Variants in MYOCOS observed in about 807,000 individuals in gnomAD.
MYOCOS encodes myocilin opposite strand.
chr1:171,610,850 C>T (rs181056455), intron 1 of MYOCOS, among the ~76,000 whole-genome samples: 55 of 152,348 alleles, frequency 3.6e-4, no homozygotes, highest in Middle Eastern at 3.4e-3. Flanking sequence ...GTAAAACAAA[C>T]ACTTTAAGCC....
intron 2 of MYOCOS, among the ~76,000 whole-genome samples, chr1:171,616,798 A>G (rs748361680): frequency 1.1e-4 from 16 of 152,298 alleles, no homozygotes; most frequent in Non-Finnish European, 2.2e-4. Flanking sequence ...GGTCAAGGAT[A>G]GGCTGAGGTA....
chr1:171,617,940 AC>A (rs1355808805), upstream of MYOCOS, among the ~76,000 whole-genome samples: 2 of 152,132 alleles, frequency 1.3e-5, no homozygotes, highest in African/African-American at 2.4e-5. Context: ...GTGAGAGGAG[AC>A]AGAGAACACG....
Position 171,624,459 on chromosome 1 carries a change from T to A in MYOCOS, c.95+481T>A, listed in dbSNP as rs1393734141. Among the ~76,000 whole-genome samples the A allele has an allele frequency of 6.9e-5, 10 of 144,064 alleles. No homozygotes were observed. The South Asian group carries it at 1.4e-3, about 20-fold the overall frequency. The allele number at this position is 144,064 out of a possible 152,430, so 94.5% of individuals were successfully genotyped here. A position where few individuals can be genotyped will look rare whatever the true frequency, so the allele number is the denominator to read the frequency against. On this transcript the variant is annotated intron_variant, in intron 2 of 2. Transcript: ENST00000637642. Reference sequence around the variant, plus strand: ...TAATTATTATTATTATTATTATTATTATATTGAGACGGAGTCTCTCTCTGT... The same window carrying A: ...TAATTATTATTATTATTATTATTATAATATTGAGACGGAGTCTCTCTCTGT...
At chr1:171,621,374 GTT>G (rs397974158), upstream of MYOCOS, among the ~76,000 whole-genome samples, 2 of 115,140 alleles carry the variant, frequency 1.7e-5, no homozygotes, top group Admixed American at 9.8e-5. Context: ...TCTATGGTGG[GTT>G]TTTTTTTTTT....
At chr1:171,608,984 A>T (rs947520146) in intron 1 of MYOCOS, among the ~76,000 whole-genome samples, 9 of 152,088 alleles carry the variant, frequency 5.9e-5, no homozygotes, top group African/African-American at 2.2e-4. Flanking sequence ...TCTCCTCCAG[A>T]TTAGGATTGG....
intron 1 of MYOCOS, among the ~76,000 whole-genome samples, chr1:171,613,411 A>G (rs942334433): frequency 6.6e-6 from 1 of 152,234 alleles, no homozygotes; most frequent in African/African-American, 2.4e-5. Context: ...CCATTTCTGC[A>G]GGCCTGGAGG....
At chr1:171,618,133 A>C (rs1272023008), upstream of MYOCOS, among the ~76,000 whole-genome samples, 7 of 152,188 alleles carry the variant, frequency 4.6e-5, no homozygotes, top group African/African-American at 1.7e-4. Flanking sequence ...TTAAAGGAAG[A>C]CTGGCTATCA....
intron 1 of MYOCOS, among the ~76,000 whole-genome samples, chr1:171,612,969 G>A (rs1298640977): frequency 3.9e-5 from 6 of 152,200 alleles, no homozygotes; most frequent in Non-Finnish European, 8.8e-5. Flanking sequence ...GGCTCACTGT[G>A]AGTTAGAGCT....
chr1:171,624,154 C>T (rs1356140131), intron 2 of MYOCOS, among the ~76,000 whole-genome samples, 176 bp downstream of exon 2: 1 of 152,236 alleles, frequency 6.6e-6, no homozygotes, highest in Non-Finnish European at 1.5e-5. Context: ...GGAAAACAGA[C>T]TTTTCCCACA....
chr1:171,616,704 T>G (rs146961264), intron 2 of MYOCOS, among the ~76,000 whole-genome samples: 67 of 152,254 alleles, frequency 4.4e-4, no homozygotes, highest in African/African-American at 1.4e-3. Context: ...TTGGTTGAGT[T>G]CAGGAGAGAG....
upstream of MYOCOS, among the ~76,000 whole-genome samples, chr1:171,619,963 T>C (rs1398812405): frequency 1.3e-5 from 2 of 150,970 alleles, no homozygotes; most frequent in Non-Finnish European, 2.9e-5. Flanking sequence ...AGACTCCAAG[T>C]TCTTCAGTTT....
At chr1:171,605,587 G>T (rs748987370) in intron 1 of MYOCOS, among the ~76,000 whole-genome samples, 2 of 152,030 alleles carry the variant, frequency 1.3e-5, no homozygotes, top group East Asian at 3.9e-4. Flanking sequence ...AGGTAGCTGC[G>T]TAATTGCACC....
At position 171,626,592 on chromosome 1, in the gene MYOCOS, G is replaced by A. The variant is rs374567898; in HGVS notation, c.234G>A (p.Thr78=). ...CTCCTTCTCCAGCTGAGGATCCCAC[G>A]GTCTCCTAAGATGTAAAACTTATTT... is the stretch of plus-strand genomic sequence containing the variant. ...APPPSPAEDP[T]VS The change falls in exon 3 of 3, where the codon ACG becomes ACA. Residue 78 remains threonine (T), a synonymous_variant. Coordinates refer to ENST00000637642, the MANE Select transcript of MYOCOS (RefSeq NM_001391940.1). The A allele has an allele frequency of 1.3e-5, 5 of 398,350 alleles. No homozygotes were observed. Among genetic ancestry groups the A allele is most frequent in the East Asian group, 7.1e-5 (2 of 28,082 alleles). 24.7% of individuals were successfully genotyped at this position (398,350 alleles called of 1,614,324 possible).
chr1:171,606,120 T>TAGGA (rs1247566385), intron 1 of MYOCOS, among the ~76,000 whole-genome samples: 2 of 152,204 alleles, frequency 1.3e-5, no homozygotes, highest in African/African-American at 4.8e-5. Flanking sequence ...GATTTAAAAC[T>TAGGA]CTTATAATAG....
chr1:171,620,228 C>G (rs1652533391), upstream of MYOCOS, among the ~76,000 whole-genome samples: 1 of 151,700 alleles, frequency 6.6e-6, no homozygotes, highest in South Asian at 2.1e-4. Context: ...TGCCCAAATT[C>G]CTATCTAAGG....
chr1:171,620,883 C>T (rs1186855979), upstream of MYOCOS, among the ~76,000 whole-genome samples: 1 of 150,090 alleles, frequency 6.7e-6, no homozygotes, highest in Admixed American at 6.7e-5. Context: ...GATTCTCCTG[C>T]CTCAGCCTCC....
At chr1:171,621,236 A>G (rs933997835), upstream of MYOCOS, among the ~76,000 whole-genome samples, 1 of 152,198 alleles carries the variant, frequency 6.6e-6, no homozygotes, top group African/African-American at 2.4e-5. Context: ...CAAATATTTT[A>G]CAGAGTTTGA....
At chr1:171,605,396 A>ACACACAC (rs1415539776) in intron 1 of MYOCOS, among the ~76,000 whole-genome samples, 4,209 of 120,688 alleles carry the variant, frequency 0.035, 150 homozygotes, top group African/African-American at 0.13. Context: ...CACACACACA[A>ACACACAC]AAAAAAAAAA....
intron 2 of MYOCOS, among the ~76,000 whole-genome samples, chr1:171,625,758 G>A (rs1453187810): frequency 2.0e-5 from 3 of 152,196 alleles, no homozygotes; most frequent in Non-Finnish European, 2.9e-5. Flanking sequence ...CAAATGAAAC[G>A]TTTAGACACA....
Sources: allele counts gnomAD v4.1 joint callset (sites outside exome capture counted in the v4.1 genomes callset), GRCh38; gene constraint gnomAD v4.1.1; transcripts MANE v1.5; gene names NCBI Gene and HGNC (gene_info 2026-07-23, HGNC 2026-07-21).